Variants in CLEC16A observed in about 807,000 individuals in gnomAD.
CLEC16A encodes C-type lectin domain containing 16A.
A neutral mutation model predicts 109.5 loss-of-function variants in CLEC16A; 51 were observed. The observed-to-expected ratio is 0.47, with a 90% CI of 0.37 to 0.59. The LOEUF (loss-of-function observed/expected upper bound fraction) is 0.59. CLEC16A is among the 20% of genes least tolerant of loss of function. The pLI is 0.00. For synonymous variants in CLEC16A, 673 were observed against 564.2 expected (o/e 1.19, Z -2.73); for missense variants, 1,339 against 1,394.0 (o/e 0.96, Z 0.63).
chr16:11,105,643 G>C (rs961094738), intron 19 of CLEC16A, among the ~76,000 whole-genome samples: 9 of 152,224 alleles, frequency 5.9e-5, no homozygotes, highest in African/African-American at 2.2e-4. Flanking sequence ...AGCAGACAGA[G>C]CTGAGCCCAA....
intron 19 of CLEC16A, among the ~76,000 whole-genome samples, chr16:11,064,281 G>A (rs568107605): frequency 1.3e-5 from 2 of 152,194 alleles, no homozygotes; most frequent in East Asian, 1.9e-4. Context: ...TTTGCAAACC[G>A]AGTGCCTCCC....
In CLEC16A at chr16:11,024,812, C is replaced by T; in HGVS notation, c.1437-9C>T. 6.3e-7 allele frequency: 1 copy of T among 1,586,500 alleles called. No individual in the cohort carries two copies. The highest frequency in any genetic ancestry group is 8.6e-7 in the Non-Finnish European group (1 of 1,165,390). On this transcript the variant is annotated splice_polypyrimidine_tract_variant and intron_variant, in intron 12 of 23. Transcript: ENST00000409790. Reference sequence around the variant, plus strand: ...CGTGAGGCTCATACATGCCCCTCCTCTTTTCCAGACCCTTCCTGGATATGG... The same window carrying T: ...CGTGAGGCTCATACATGCCCCTCCTTTTTTCCAGACCCTTCCTGGATATGG...
At chr16:10,969,971 G>C (rs1247264668) in intron 4 of CLEC16A, among the ~76,000 whole-genome samples, 1 of 152,198 alleles carries the variant, frequency 6.6e-6, no homozygotes, top group Non-Finnish European at 1.5e-5. Context: ...TGCTATTGTT[G>C]ATAAGATAAT....
chr16:11,103,878 C>T (rs1048073892), intron 19 of CLEC16A, among the ~76,000 whole-genome samples: 6 of 152,206 alleles, frequency 3.9e-5, no homozygotes, highest in Non-Finnish European at 7.3e-5. Context: ...GAAGCCTTTT[C>T]TTCCCCACAA....
intron 11 of CLEC16A, among the ~76,000 whole-genome samples, chr16:11,015,195 T>A (rs966169987): frequency 6.6e-6 from 1 of 152,204 alleles, no homozygotes; most frequent in South Asian, 2.1e-4. Context: ...AGCCACTCAC[T>A]CTACAGCTGT....
At chr16:11,123,492 A>C (rs1006534417) in intron 20 of CLEC16A, among the ~76,000 whole-genome samples, 1 of 152,216 alleles carries the variant, frequency 6.6e-6, no homozygotes, top group Non-Finnish European at 1.5e-5. Flanking sequence ...GAAAACAGGC[A>C]CCAGCCACCA....
chr16:11,003,812 G>A (rs1193955864), intron 11 of CLEC16A, among the ~76,000 whole-genome samples: 1 of 151,994 alleles, frequency 6.6e-6, no homozygotes, highest in African/African-American at 2.4e-5. Flanking sequence ...TGCACTGCGG[G>A]AAGAAAGAGG....
At chr16:11,166,196 A>G (rs1392348355) in intron 22 of CLEC16A, among the ~76,000 whole-genome samples, 192 bp from the exon 23 acceptor site, 2 of 152,190 alleles carry the variant, frequency 1.3e-5, no homozygotes, top group Non-Finnish European at 2.9e-5. Context: ...ATAAACCTGT[A>G]ATAAACCTTT....
At chr16:10,998,287 C>T (rs1025734995) in intron 10 of CLEC16A, among the ~76,000 whole-genome samples, 3 of 152,172 alleles carry the variant, frequency 2.0e-5, no homozygotes, top group African/African-American at 7.2e-5. Flanking sequence ...GTTAGCTGGC[C>T]CTCACCCCAG....
intron 10 of CLEC16A, among the ~76,000 whole-genome samples, chr16:10,989,391 T>C (rs1388726969): frequency 1.3e-5 from 2 of 151,880 alleles, no homozygotes; most frequent in African/African-American, 4.9e-5. Context: ...CAGATAACTT[T>C]TGTTTTTTTT....
intron 12 of CLEC16A, among the ~76,000 whole-genome samples, chr16:11,023,100 T>G (rs868302838): frequency 7.2e-4 from 104 of 145,380 alleles, no homozygotes; most frequent in African/African-American, 2.4e-3. Flanking sequence ...TTTTACCAGT[T>G]TTTTTTTTTT....
intron 7 of CLEC16A, among the ~76,000 whole-genome samples, chr16:10,974,468 G>A (rs991211929): frequency 6.6e-5 from 10 of 152,114 alleles, no homozygotes; most frequent in African/African-American, 2.2e-4. Context: ...TTGTTGGGGG[G>A]GCTGTCCTGT....
chr16:10,992,182 G>A (rs1021806444), intron 10 of CLEC16A, among the ~76,000 whole-genome samples: 23 of 152,136 alleles, frequency 1.5e-4, no homozygotes, highest in African/African-American at 5.3e-4. Flanking sequence ...GTTAACCACA[G>A]TCACCCTTCT....
intron 17 of CLEC16A, among the ~76,000 whole-genome samples, chr16:11,050,359 C>G (rs886505163): frequency 2.6e-5 from 4 of 152,226 alleles, no homozygotes; most frequent in African/African-American, 9.6e-5. Context: ...CACCAGGTAT[C>G]TGGGCCACTG....
intron 23 of CLEC16A, among the ~76,000 whole-genome samples, chr16:11,167,558 A>G (rs1289144963): frequency 6.6e-6 from 1 of 152,154 alleles, no homozygotes; most frequent in Non-Finnish European, 1.5e-5. Flanking sequence ...CTCCCTGGGC[A>G]CCTACACCTC....
chr16:11,002,001 A>C (rs2044696758), intron 10 of CLEC16A, among the ~76,000 whole-genome samples: 1 of 152,168 alleles, frequency 6.6e-6, no homozygotes, highest in African/African-American at 2.4e-5. Context: ...CTGTAGTGAT[A>C]GTTTTGTTTA....
chr16:11,047,391 T>C, intron 17 of CLEC16A, 49 bp downstream of exon 17: 2 of 1,462,004 alleles, frequency 1.4e-6, no homozygotes, highest in Non-Finnish European at 1.8e-6. Context: ...CCTGTGTCCC[T>C]GCCAAGCTCC....
chr16:10,986,094 G>A (rs1023899347), intron 10 of CLEC16A, among the ~76,000 whole-genome samples: 18 of 128,370 alleles, frequency 1.4e-4, no homozygotes, highest in African/African-American at 4.8e-4. Flanking sequence ...ACAGCGGCAC[G>A]ATCTCAGCTC....
chr16:11,117,998 G>A (rs1567343175), intron 19 of CLEC16A, among the ~76,000 whole-genome samples: 1 of 151,872 alleles, frequency 6.6e-6, no homozygotes, highest in Non-Finnish European at 1.5e-5. Flanking sequence ...TTTTTAGACA[G>A]GGTCTCGCTT....
Sources: gnomAD v4.1 joint callset for allele counts (sites outside exome capture counted in the v4.1 genomes callset) on GRCh38, gnomAD v4.1.1 for gene constraint, MANE v1.5 for transcripts, NCBI Gene and HGNC (gene_info 2026-07-23, HGNC 2026-07-21) for gene names.